The following RNF38 variants were observed in gnomAD, a reference collection of about 807,000 sequenced individuals.
RNF38 encodes ring finger protein 38, also known as E3 ubiquitin-protein ligase RNF38.
RNF38 carries 15 observed loss-of-function variants against 67.2 expected under a neutral mutation model. The ratio of observed to expected loss-of-function variants is 0.22; its 90% confidence interval spans 0.15 to 0.34. The LOEUF (loss-of-function observed/expected upper bound fraction) is 0.34, where lower values mean the gene tolerates loss of function less well. RNF38 is among the 10% of genes least tolerant of loss of function. RNF38 has a pLI of 1.00. For missense variants in RNF38, 524 were observed against 639.9 expected, an observed-to-expected ratio of 0.82 and a Z score of 1.95; for synonymous variants, 220 against 218.8, an observed-to-expected ratio of 1.01 and a Z score of -0.05.
In RNF38 at chr9:36,348,313, A is replaced by G. The variant is rs1239505143; in HGVS notation, c.1263+2802T>C. On this transcript the variant is annotated intron_variant, in intron 9 of 11. Coordinates refer to ENST00000259605, the MANE Select transcript of RNF38 (RefSeq NM_022781.5). The stretch of plus-strand genomic sequence containing the variant: ...TTATCTCTGAAAGAAAAAAAAAAAA[A>G]TCCACAAAAATTAGCCAAGTGTGGT... Among the ~76,000 whole-genome samples the G allele has an allele frequency of 4.6e-5, 7 of 151,816 alleles. No homozygotes were observed. In the East Asian group the frequency reaches 1.4e-3, roughly 29 times the overall value.
intron 4 of RNF38, among the ~76,000 whole-genome samples, chr9:36,366,204 C>T (rs1834943838): frequency 6.6e-6 from 1 of 151,964 alleles, no homozygotes. Flanking sequence ...TTTTAGTATG[C>T]ATTTCTAAAA....
intron 2 of RNF38, among the ~76,000 whole-genome samples, chr9:36,407,980 A>G (rs1225533847): frequency 6.6e-6 from 1 of 152,206 alleles, no homozygotes; most frequent in East Asian, 1.9e-4. Context: ...ACATACATAT[A>G]GTTTGGCAAG....
intron 2 of RNF38, among the ~76,000 whole-genome samples, chr9:36,418,379 A>G (rs1271738709): frequency 1.3e-5 from 2 of 152,010 alleles, no homozygotes; most frequent in East Asian, 1.9e-4. Flanking sequence ...GAGGCCAGGC[A>G]TGATGATTCA....
Position 36,444,122 on chromosome 9 carries a change from C to A in RNF38, n.242-19439G>T, listed in dbSNP as rs1240118778. Among the ~76,000 whole-genome samples, 3 of 152,052 alleles carry A rather than the reference C, an allele frequency of 2.0e-5. No homozygotes were observed. In the East Asian group the frequency reaches 5.8e-4, roughly 29 times the overall value. The stretch of plus-strand genomic sequence containing the variant: ...TAATGTTTTCAAAACACTCTGAGGG[C>A]CAATAAAACATCTGCAAACAAGATT... On this transcript the variant is annotated intron_variant and non_coding_transcript_variant, in intron 1 of 3. Transcript: ENST00000488058.
intron 1 of RNF38, among the ~76,000 whole-genome samples, chr9:36,478,448 C>A (rs1840175710): frequency 1.3e-5 from 2 of 150,208 alleles, no homozygotes; most frequent in African/African-American, 4.9e-5. Flanking sequence ...AGCATACATC[C>A]CCAGATAAAC....
At chr9:36,405,723 T>C (rs904431826), upstream of RNF38, among the ~76,000 whole-genome samples, 2 of 151,018 alleles carry the variant, frequency 1.3e-5, no homozygotes, top group African/African-American at 4.8e-5. Context: ...GCAAAACAAC[T>C]GTAATCTTAG....
At chr9:36,446,237 A>C (rs1051070004) in intron 1 of RNF38, among the ~76,000 whole-genome samples, 1 of 152,194 alleles carries the variant, frequency 6.6e-6, no homozygotes, top group Non-Finnish European at 1.5e-5. Context: ...GGAATGTTAC[A>C]CTGATTTGTA....
intron 4 of RNF38, among the ~76,000 whole-genome samples, chr9:36,362,010 A>G (rs368489504): frequency 1.3e-5 from 2 of 152,190 alleles, no homozygotes; most frequent in East Asian, 1.9e-4. Flanking sequence ...AATTGCGAGA[A>G]GCATCCATCC....
At chr9:36,445,063 G>T (rs904976916) in intron 1 of RNF38, among the ~76,000 whole-genome samples, 2 of 152,096 alleles carry the variant, frequency 1.3e-5, no homozygotes, top group Non-Finnish European at 2.9e-5. Context: ...AACACCTGGA[G>T]CCCCACTGGG....
chr9:36,418,172 G>A (rs1048504797), intron 2 of RNF38, among the ~76,000 whole-genome samples: 2 of 151,798 alleles, frequency 1.3e-5, no homozygotes, highest in Admixed American at 6.6e-5. Context: ...AGGACCACAG[G>A]TGTGTACCAC....
intron 2 of RNF38, among the ~76,000 whole-genome samples, chr9:36,407,409 T>C (rs1451895003): frequency 2.0e-5 from 3 of 152,000 alleles, no homozygotes; most frequent in African/African-American, 7.3e-5. Flanking sequence ...AGTGAAGGTG[T>C]GAAGGGGCTA....
intron 1 of RNF38, among the ~76,000 whole-genome samples, chr9:36,395,339 TC>T (rs1564038465): frequency 6.6e-6 from 1 of 152,082 alleles, no homozygotes; most frequent in East Asian, 1.9e-4. Context: ...TTTTTTTTTT[TC>T]TCCAGTAAAA....
intron 9 of RNF38, among the ~76,000 whole-genome samples, chr9:36,348,656 A>G (rs1293894335): frequency 1.3e-5 from 2 of 152,242 alleles, no homozygotes; most frequent in Admixed American, 6.5e-5. Context: ...CTTTAATTCT[A>G]TCAATGTTGA....
chr9:36,375,824 G>T, intron 3 of RNF38, 110 bp downstream of exon 3: 1 of 950,050 alleles, frequency 1.1e-6, no homozygotes, highest in Non-Finnish European at 1.6e-6. Flanking sequence ...ACGTGTATAT[G>T]TGGTGATGTG....
In RNF38 at chr9:36,347,116, ATC is replaced by A. The variant is rs1199359645; in HGVS notation, c.1264-2165_1264-2164del. Among the ~76,000 whole-genome samples, 4 of 31,384 alleles carry A rather than the reference ATC, an allele frequency of 1.3e-4. 1 individual carries two copies. The highest frequency in any genetic ancestry group is 6.8e-4 in the African/African-American group (4 of 5,920). 20.6% of individuals were successfully genotyped at this position (31,384 alleles called of 152,430 possible). A position where few individuals can be genotyped will look rare whatever the true frequency, so the allele number is the denominator to read the frequency against. On this transcript the variant is annotated intron_variant, in intron 9 of 11. Coordinates refer to ENST00000259605, the MANE Select transcript of RNF38 (RefSeq NM_022781.5). Reference sequence around the variant, plus strand: ...AGCCTGGGCGACAAAGGGAGACTCCATCTCGGGGGGGGGGGGGGGGGGGGGGG... The same window carrying A: ...AGCCTGGGCGACAAAGGGAGACTCCATCGGGGGGGGGGGGGGGGGGGGGGG...
intron 1 of RNF38, among the ~76,000 whole-genome samples, chr9:36,397,719 C>T (rs1837644309): frequency 6.6e-6 from 1 of 152,126 alleles, no homozygotes; most frequent in African/African-American, 2.4e-5. Flanking sequence ...ATCCTCTATC[C>T]ATTACACAGA....
At chr9:36,466,456 C>T (rs948425759) in intron 1 of RNF38, among the ~76,000 whole-genome samples, 8 of 152,172 alleles carry the variant, frequency 5.3e-5, no homozygotes, top group African/African-American at 1.9e-4. Flanking sequence ...CAATGGGAGG[C>T]TCATAAAGCG....
chr9:36,443,951 C>A (rs1407356201), intron 1 of RNF38, among the ~76,000 whole-genome samples: 2 of 152,174 alleles, frequency 1.3e-5, no homozygotes, highest in Non-Finnish European at 2.9e-5. Context: ...ACCAAGCAGG[C>A]TGGAGCCAGC....
intron 1 of RNF38, among the ~76,000 whole-genome samples, chr9:36,438,743 A>C (rs1587137526): frequency 6.6e-6 from 1 of 152,342 alleles, no homozygotes; most frequent in East Asian, 1.9e-4. Flanking sequence ...TGAAAGAAAG[A>C]ATCTCCTCTT....
Sources: gnomAD v4.1 joint callset for allele counts (sites outside exome capture counted in the v4.1 genomes callset) on GRCh38, gnomAD v4.1.1 for gene constraint, MANE v1.5 for transcripts, NCBI Gene and HGNC (gene_info 2026-07-23, HGNC 2026-07-21) for gene names.